Variants in OR1J2 observed in about 807,000 individuals in gnomAD.
OR1J2 encodes olfactory receptor family 1 subfamily J member 2.
For missense variants in OR1J2, 304 were observed against 246.1 expected, an observed-to-expected ratio of 1.24 and a Z score of -1.57; for synonymous variants, 142 against 99.7, an observed-to-expected ratio of 1.42 and a Z score of -2.52.
At chr9:122,459,817 C>G in the OR1J2 span, among the ~76,000 whole-genome samples, 9 of 152,092 alleles carry the variant, frequency 5.9e-5, no homozygotes, top group Non-Finnish European at 5.9e-5. Flanking sequence ...ACATTGTAGT[C>G]AATGTGTGGT....
At chr9:122,508,292 A>C (rs768755350), upstream of OR1J2, among the ~76,000 whole-genome samples, 23 of 152,128 alleles carry the variant, frequency 1.5e-4, no homozygotes, top group Middle Eastern at 3.2e-3. Flanking sequence ...TACTGACCTC[A>C]ATATGTATGT....
chr9:122,504,642 A>C, the OR1J2 span, among the ~76,000 whole-genome samples: 2 of 152,158 alleles, frequency 1.3e-5, no homozygotes, highest in Non-Finnish European at 1.5e-5. Flanking sequence ...CCTTGTGACC[A>C]CATACATGTC....
chr9:122,510,140 G>C (rs1335513413), upstream of OR1J2, among the ~76,000 whole-genome samples: 3 of 152,106 alleles, frequency 2.0e-5, no homozygotes, highest in Non-Finnish European at 4.4e-5. Flanking sequence ...ATGTACCCCA[G>C]AACTTAAATT....
chr9:122,451,493 AT>A, the OR1J2 span, among the ~76,000 whole-genome samples: 12 of 152,056 alleles, frequency 7.9e-5, no homozygotes, highest in Non-Finnish European at 1.6e-4. Context: ...CCTCACCTGC[AT>A]TTTTACAGGC....
the OR1J2 span, chr9:122,519,780 A>C: frequency 4.3e-6 from 7 of 1,614,102 alleles, no homozygotes; most frequent in Non-Finnish European, 5.9e-6. Context: ...ACTAATATGC[A>C]TCTTGATCTC....
At chr9:122,543,303 A>G in the OR1J2 span, among the ~76,000 whole-genome samples, 4 of 152,276 alleles carry the variant, frequency 2.6e-5, no homozygotes, top group Admixed American at 2.6e-4. Context: ...TCTGGGCTCA[A>G]GCAACCTTCC....
the OR1J2 span, among the ~76,000 whole-genome samples, chr9:122,462,363 A>G: frequency 6.6e-6 from 1 of 152,134 alleles, no homozygotes; most frequent in African/African-American, 2.4e-5. Context: ...GTGAATTCCT[A>G]TCCGTTCTGC....
chr9:122,527,278 T>C, the OR1J2 span: 1 of 1,607,746 alleles, frequency 6.2e-7, no homozygotes, highest in Non-Finnish European at 8.5e-7. Context: ...TCAGAAATGC[T>C]GGATTGGTTT....
the OR1J2 span, among the ~76,000 whole-genome samples, chr9:122,455,521 T>A: frequency 1.3e-5 from 2 of 152,222 alleles, no homozygotes; most frequent in African/African-American, 4.8e-5. Flanking sequence ...CTATTCATGT[T>A]CTTTACCCAT....
At chr9:122,500,124 T>G in the OR1J2 span, among the ~76,000 whole-genome samples, 1 of 152,238 alleles carries the variant, frequency 6.6e-6, no homozygotes, top group Non-Finnish European at 1.5e-5. Context: ...TGTCAAAGAA[T>G]AGCTGACTTT....
the OR1J2 span, chr9:122,519,797 C>A: frequency 6.8e-6 from 11 of 1,614,172 alleles, no homozygotes; most frequent in Non-Finnish European, 8.5e-6. Flanking sequence ...TCTCTTATGG[C>A]CACATTGGGG....
the OR1J2 span, among the ~76,000 whole-genome samples, chr9:122,579,525 G>T: frequency 1.3e-5 from 2 of 152,108 alleles, no homozygotes; most frequent in African/African-American, 2.4e-5. Flanking sequence ...GCTGGATGAG[G>T]TTCTTATACA....
At chr9:122,578,176 T>G in the OR1J2 span, 1 of 152,120 alleles carries the variant, frequency 6.6e-6, no homozygotes, top group East Asian at 1.9e-4. Flanking sequence ...CAAGGCTGAG[T>G]GCAGTGGCTC....
rs777362201 is a variant in OR1J2, at chr9:122,511,509, A to C, written c.708A>C (p.Lys236Asn). 1.3e-6 allele frequency: 1 copy of C among 781,014 alleles called. No individual in the cohort carries two copies. Among genetic ancestry groups the C allele is most frequent in the Non-Finnish European group, 2.4e-6 (1 of 418,110 alleles). The allele number at this position is 781,014 out of a possible 1,614,324, so 48.4% of individuals were successfully genotyped here. A position where few individuals can be genotyped will look rare whatever the true frequency, so the allele number is the denominator to read the frequency against. ...LRVPSTKGIH[K>N]ALSTCGSHLS... ...TCCCTTCAACCAAAGGGATCCACAA[A>C]GCATTGTCCACATGTGGCTCCCATC... Residue 236 changes from lysine to asparagine, a missense_variant, in exon 1 of 1, where the codon AAA (lysine) becomes AAC (asparagine). Transcript: ENST00000335302.
At chr9:122,508,825 A>G (rs1043451157), upstream of OR1J2, among the ~76,000 whole-genome samples, 6 of 152,348 alleles carry the variant, frequency 3.9e-5, no homozygotes, top group Non-Finnish European at 7.4e-5. Context: ...AAATGTTATT[A>G]TATCACAGTT....
chr9:122,517,264 C>G, the OR1J2 span, among the ~76,000 whole-genome samples: 1 of 152,164 alleles, frequency 6.6e-6, no homozygotes, highest in Non-Finnish European at 1.5e-5. Context: ...ACACTAGGCT[C>G]TATCCTTAAG....
At chr9:122,550,402 AG>A in the OR1J2 span, among the ~76,000 whole-genome samples, 1 of 152,170 alleles carries the variant, frequency 6.6e-6, no homozygotes, top group Non-Finnish European at 1.5e-5. Context: ...CATTCTACAA[AG>A]CAGGTATCAC....
the OR1J2 span, among the ~76,000 whole-genome samples, chr9:122,532,825 G>A: frequency 6.6e-5 from 10 of 152,204 alleles, no homozygotes; most frequent in Non-Finnish European, 8.8e-5. Flanking sequence ...AATTCTGACC[G>A]CACTAACCAT....
chr9:122,502,215 C>T, the OR1J2 span, among the ~76,000 whole-genome samples: 3 of 152,198 alleles, frequency 2.0e-5, no homozygotes, highest in African/African-American at 4.8e-5. Flanking sequence ...GGGGAGTTCT[C>T]AGAGTCTGTG....
Sources: gnomAD v4.1 joint callset for allele counts (sites outside exome capture counted in the v4.1 genomes callset) on GRCh38, gnomAD v4.1.1 for gene constraint, MANE v1.5 for transcripts, NCBI Gene and HGNC (gene_info 2026-07-23, HGNC 2026-07-21) for gene names.